The following CSMD1 variants were observed in gnomAD, a reference collection of about 807,000 sequenced individuals.
The protein encoded by CSMD1 is CUB and Sushi multiple domains 1.
CSMD1 carries 213 observed loss-of-function variants against 417.5 expected under a neutral mutation model. That is an observed-to-expected ratio of 0.51 (90% CI 0.46 to 0.57). The LOEUF (loss-of-function observed/expected upper bound fraction) is 0.57. Ranked by LOEUF, CSMD1 falls within the 20% of genes least tolerant of loss-of-function variation. CSMD1 has a pLI of 0.00. For missense variants in CSMD1, 6,923 were observed against 4,529.7 expected (o/e 1.53, Z -15.17); for synonymous variants, 2,862 against 1,736.8 (o/e 1.65, Z -16.11).
chr8:3,808,573 C>G (rs532301770), intron 5 of CSMD1, among the ~76,000 whole-genome samples: 7 of 152,256 alleles, frequency 4.6e-5, no homozygotes, highest in South Asian at 2.1e-4. Flanking sequence ...GGGGAGAATC[C>G]TCATGTTTGA....
At chr8:4,201,901 G>A (rs1369519879) in intron 3 of CSMD1, among the ~76,000 whole-genome samples, 12 of 140,808 alleles carry the variant, frequency 8.5e-5, no homozygotes, top group Admixed American at 5.0e-4. Context: ...GGGGGGGGGC[G>A]CTGCATTCAT....
chr8:4,776,504 G>A (rs916063225), intron 1 of CSMD1, among the ~76,000 whole-genome samples: 5 of 152,082 alleles, frequency 3.3e-5, no homozygotes, highest in Non-Finnish European at 5.9e-5. Flanking sequence ...AACCAACAGC[G>A]TCTCAGGGCC....
At chr8:3,344,170 CCAA>C (rs1471341212) in intron 22 of CSMD1, among the ~76,000 whole-genome samples, 2 of 152,088 alleles carry the variant, frequency 1.3e-5, no homozygotes, top group Non-Finnish European at 2.9e-5. Context: ...TCATGGGTTC[CCAA>C]CTAGTGGGGA....
intron 5 of CSMD1, among the ~76,000 whole-genome samples, chr8:3,788,367 G>A (rs930257255): frequency 6.6e-6 from 1 of 152,148 alleles, no homozygotes; most frequent in Non-Finnish European, 1.5e-5. Context: ...ATGCCTCCCT[G>A]TGCCCACAGC....
At chr8:3,850,562 G>A (rs1442657563) in intron 5 of CSMD1, among the ~76,000 whole-genome samples, 1 of 152,110 alleles carries the variant, frequency 6.6e-6, no homozygotes, top group Non-Finnish European at 1.5e-5. Flanking sequence ...GGGCATGATG[G>A]CTCTCACCTG....
chr8:3,701,453 C>T (rs1472743755), intron 7 of CSMD1, among the ~76,000 whole-genome samples: 1 of 151,770 alleles, frequency 6.6e-6, no homozygotes, highest in East Asian at 1.9e-4. Flanking sequence ...GGTTATGGTG[C>T]TAAACTCAGA....
intron 3 of CSMD1, among the ~76,000 whole-genome samples, chr8:4,122,227 T>A (rs1802525026): frequency 6.6e-6 from 1 of 152,164 alleles, no homozygotes; most frequent in South Asian, 2.1e-4. Flanking sequence ...CTGACTTTTG[T>A]GAGGGAAGTG....
At chr8:4,243,031 G>C (rs531800247) in intron 3 of CSMD1, among the ~76,000 whole-genome samples, 2 of 152,196 alleles carry the variant, frequency 1.3e-5, no homozygotes, top group African/African-American at 2.4e-5. Flanking sequence ...TAGAATGGCA[G>C]AGGTTTTATC....
chr8:4,152,598 G>C (rs983891316), intron 3 of CSMD1, among the ~76,000 whole-genome samples: 2 of 151,980 alleles, frequency 1.3e-5, no homozygotes, highest in Non-Finnish European at 2.9e-5. Context: ...GCTTAAGTGG[G>C]AAGATCGTTT....
intron 3 of CSMD1, among the ~76,000 whole-genome samples, chr8:4,259,657 C>T (rs1303411878): frequency 6.6e-6 from 1 of 152,042 alleles, no homozygotes; most frequent in Admixed American, 6.6e-5. Context: ...GCCATTCTTC[C>T]CCTACTGGCA....
chr8:3,646,361 C>T (rs1797571709), intron 7 of CSMD1, among the ~76,000 whole-genome samples: 1 of 151,834 alleles, frequency 6.6e-6, no homozygotes, highest in Admixed American at 6.6e-5. Context: ...ATGTATTTTC[C>T]AACTTTTTTC....
chr8:4,913,988 G>A (rs1182385987), intron 1 of CSMD1, among the ~76,000 whole-genome samples: 2 of 152,164 alleles, frequency 1.3e-5, no homozygotes, highest in Non-Finnish European at 2.9e-5. Flanking sequence ...TATAAATTCT[G>A]TGATTATTTC....
chr8:4,313,577 T>A (rs1027833755), intron 3 of CSMD1, among the ~76,000 whole-genome samples: 3 of 150,764 alleles, frequency 2.0e-5, no homozygotes, highest in African/African-American at 4.9e-5. Flanking sequence ...GAAAGAAGAA[T>A]GTTGGAATTA....
intron 49 of CSMD1, among the ~76,000 whole-genome samples, chr8:3,065,566 G>C (rs754813723): frequency 9.9e-5 from 15 of 151,972 alleles, no homozygotes; most frequent in Non-Finnish European, 1.8e-4. Flanking sequence ...GAAAATGATA[G>C]ATGATAGATA....
chr8:4,331,800 A>G (rs1799883807), intron 3 of CSMD1, among the ~76,000 whole-genome samples: 1 of 152,202 alleles, frequency 6.6e-6, no homozygotes, highest in Non-Finnish European at 1.5e-5. Context: ...TTTGACTCAC[A>G]GTATTTTTCC....
At chr8:4,166,414 A>C (rs951754241) in intron 3 of CSMD1, among the ~76,000 whole-genome samples, 1 of 152,246 alleles carries the variant, frequency 6.6e-6, no homozygotes, top group East Asian at 1.9e-4. Context: ...TATATATACC[A>C]CACAATAATA....
intron 1 of CSMD1, among the ~76,000 whole-genome samples, chr8:4,706,049 T>C (rs1807917301): frequency 6.6e-6 from 1 of 150,972 alleles, no homozygotes; most frequent in Non-Finnish European, 1.5e-5. Flanking sequence ...TATGTAATTT[T>C]TTATATATAC....
intron 26 of CSMD1, among the ~76,000 whole-genome samples, chr8:3,231,214 C>T (rs1798815592): frequency 6.6e-6 from 1 of 152,146 alleles, no homozygotes; most frequent in Non-Finnish European, 1.5e-5. Context: ...ATAGGTACTC[C>T]TGAAAAATCC....
At chr8:4,577,091 T>C (rs1248879633) in intron 2 of CSMD1, among the ~76,000 whole-genome samples, 1 of 152,214 alleles carries the variant, frequency 6.6e-6, no homozygotes, top group Non-Finnish European at 1.5e-5. Context: ...AATTTGTATA[T>C]ACACACACAT....
Sources: allele counts gnomAD v4.1 joint callset (sites outside exome capture counted in the v4.1 genomes callset), GRCh38; gene constraint gnomAD v4.1.1; transcripts MANE v1.5; gene names NCBI Gene and HGNC (gene_info 2026-07-23, HGNC 2026-07-21).